Variants in SGCZ observed in about 807,000 individuals in gnomAD.
SGCZ encodes the protein zeta-sarcoglycan.
A neutral mutation model predicts 41.3 loss-of-function variants in SGCZ; 40 were observed. The ratio of observed to expected loss-of-function variants is 0.97; its 90% confidence interval spans 0.75 to 1.26. The LOEUF is 1.26. Ranked by LOEUF, SGCZ falls within the 50% of genes most tolerant of loss-of-function variation. SGCZ has a pLI of 0.00. For synonymous variants in SGCZ, 206 were observed against 137.5 expected, an observed-to-expected ratio of 1.50 and a Z score of -3.49; for missense variants, 552 against 369.8, an observed-to-expected ratio of 1.49 and a Z score of -4.04.
chr8:14,311,660 G>C lies in SGCZ; in HGVS notation c.336+12443C>G, dbSNP rs112015004. Among the ~76,000 whole-genome samples, 16 of 152,238 alleles carry C rather than the reference G, an allele frequency of 1.1e-4. 2 individuals carry two copies. The highest frequency in any genetic ancestry group is 3.1e-4 in the African/African-American group (13 of 41,564). On this transcript the variant is annotated intron_variant, in intron 3 of 7. Transcript: ENST00000382080. ...AAGAATAAAACATCAGGAATAATGA[G>C]GTCAGCTCTTACATATGCAAAGCAT...
At chr8:14,309,446 G>A (rs2116993450) in intron 3 of SGCZ, 1 of 1,606,252 alleles carries the variant, frequency 6.2e-7, no homozygotes, top group East Asian at 2.2e-5. Context: ...ACAATCTTCT[G>A]ATGACTGCAG....
chr8:14,117,862 G>A (rs575474061), intron 5 of SGCZ, among the ~76,000 whole-genome samples: 1 of 150,974 alleles, frequency 6.6e-6, no homozygotes, highest in African/African-American at 2.4e-5. Flanking sequence ...GTGTTCGTTT[G>A]CTGAGAATGA....
At chr8:14,765,436 T>C (rs1800007717) in intron 1 of SGCZ, among the ~76,000 whole-genome samples, 1 of 152,208 alleles carries the variant, frequency 6.6e-6, no homozygotes. Context: ...CTAGACAGAC[T>C]CATAACTGGA....
Position 14,611,800 on chromosome 8 carries a change from T to C in SGCZ, c.40-56874A>G, listed in dbSNP as rs183876126. Among the ~76,000 whole-genome samples the C allele has an allele frequency of 2.1e-4, 32 of 152,208 alleles. 1 individual carries two copies. In the South Asian group the frequency reaches 3.9e-3, roughly 19 times the overall value. On this transcript the variant is annotated intron_variant, in intron 1 of 7. Transcript: ENST00000382080. ...ATATTACCGAGACTGACTAATAAAATACAGTATGTAAACACAATAGATTGC... is the reference window on the plus strand; with the variant it reads ...ATATTACCGAGACTGACTAATAAAACACAGTATGTAAACACAATAGATTGC...
intron 1 of SGCZ, among the ~76,000 whole-genome samples, chr8:14,566,349 T>C (rs1228218376): frequency 6.6e-6 from 1 of 151,930 alleles, no homozygotes; most frequent in African/African-American, 2.4e-5. Flanking sequence ...AACAAGGAAG[T>C]AAAAAGTGGC....
At chr8:14,843,971 G>A (rs940614722) in intron 1 of SGCZ, among the ~76,000 whole-genome samples, 2 of 151,134 alleles carry the variant, frequency 1.3e-5, no homozygotes, top group African/African-American at 4.9e-5. Flanking sequence ...GATATCATGG[G>A]GAAGCTATGT....
intron 4 of SGCZ, among the ~76,000 whole-genome samples, chr8:14,217,130 A>G (rs568429705): frequency 6.6e-6 from 1 of 152,136 alleles, no homozygotes; most frequent in South Asian, 2.1e-4. Context: ...TACTAAAAAT[A>G]CGCACACACA....
chr8:15,126,918 G>A (rs1807712801), intron 1 of SGCZ, among the ~76,000 whole-genome samples: 2 of 152,140 alleles, frequency 1.3e-5, no homozygotes, highest in Admixed American at 6.5e-5. Context: ...GGGAAGAGAG[G>A]CCAGAGAGTA....
In SGCZ at chr8:14,732,378, T is replaced by C. The variant is rs117773247; in HGVS notation, c.40-177452A>G. ...CTTCCAACTCTTTCGTTTCCACTCA[T>C]TCTTCTCTCGGCACAGAAGCTAAGA... is the stretch of plus-strand genomic sequence containing the variant. On this transcript the variant is annotated intron_variant, in intron 1 of 7. Transcript: ENST00000382080. Among the ~76,000 whole-genome samples, 725 of 152,296 alleles carry C rather than the reference T, an allele frequency of 4.8e-3. 4 individuals carry two copies. The highest frequency in any genetic ancestry group is 7.2e-3 in the Non-Finnish European group (493 of 68,028).
intron 2 of SGCZ, among the ~76,000 whole-genome samples, chr8:14,391,780 C>G (rs1804784555): frequency 6.6e-6 from 1 of 152,104 alleles, no homozygotes; most frequent in Admixed American, 6.6e-5. Flanking sequence ...TTAATTGGCT[C>G]ACATTTCTTC....
intron 1 of SGCZ, among the ~76,000 whole-genome samples, chr8:15,021,975 TAAATAG>T (rs1472045271): frequency 5.9e-5 from 9 of 152,320 alleles, no homozygotes; most frequent in Middle Eastern, 3.4e-3. Context: ...GGAAATAACA[TAAATAG>T]AAACATAACC....
chr8:14,297,280 A>G (rs1312193863), intron 3 of SGCZ, among the ~76,000 whole-genome samples: 1 of 152,140 alleles, frequency 6.6e-6, no homozygotes, highest in Non-Finnish European at 1.5e-5. Context: ...AAAGCTAAAA[A>G]TTGAGAGAAA....
At chr8:14,383,189 T>G (rs988112643) in intron 2 of SGCZ, among the ~76,000 whole-genome samples, 4 of 152,222 alleles carry the variant, frequency 2.6e-5, no homozygotes, top group Non-Finnish European at 5.9e-5. Flanking sequence ...CTGTTCTATA[T>G]GAACCATTTC....
chr8:14,916,842 A>G lies in SGCZ; in HGVS notation c.39+320743T>C, dbSNP rs138184123. On this transcript the variant is annotated intron_variant, in intron 1 of 7. Coordinates refer to ENST00000382080, the MANE Select transcript of SGCZ (RefSeq NM_139167.4). Reference sequence around the variant, plus strand: ...ATTCAGCTGGGTACTTTGTAAAAATAGACGCATAGTTATTTTTTAAAAAAA... The same window carrying G: ...ATTCAGCTGGGTACTTTGTAAAAATGGACGCATAGTTATTTTTTAAAAAAA... 2.9e-3 allele frequency among the ~76,000 whole-genome samples: 442 copies of G among 152,286 alleles called. 2 individuals carry two copies. The highest frequency in any genetic ancestry group is 9.7e-3 in the African/African-American group (404 of 41,560).
At chr8:14,450,874 A>C (rs1479709142) in intron 2 of SGCZ, among the ~76,000 whole-genome samples, 2 of 152,152 alleles carry the variant, frequency 1.3e-5, no homozygotes, top group Non-Finnish European at 2.9e-5. Flanking sequence ...AGGATACTAC[A>C]AAAGTGGTAT....
At chr8:14,130,738 G>A (rs1244555944) in intron 5 of SGCZ, among the ~76,000 whole-genome samples, 1 of 152,164 alleles carries the variant, frequency 6.6e-6, no homozygotes, top group Non-Finnish European at 1.5e-5. Context: ...CTGGATGCTT[G>A]CATAGGTAAA....
intron 1 of SGCZ, among the ~76,000 whole-genome samples, chr8:15,107,778 G>T (rs900071133): frequency 6.6e-6 from 1 of 152,128 alleles, no homozygotes; most frequent in African/African-American, 2.4e-5. Context: ...GAAATCATTG[G>T]CCTAGCACTC....
At chr8:14,861,966 T>C (rs889932264) in intron 1 of SGCZ, among the ~76,000 whole-genome samples, 2 of 151,920 alleles carry the variant, frequency 1.3e-5, no homozygotes, top group Admixed American at 6.6e-5. Flanking sequence ...GCTTCCACTA[T>C]AAAGGCACAT....
intron 1 of SGCZ, among the ~76,000 whole-genome samples, chr8:14,575,999 A>G (rs190243396): frequency 2.0e-5 from 3 of 152,262 alleles, no homozygotes; most frequent in Admixed American, 2.0e-4. Flanking sequence ...CATAGATCAC[A>G]AAATATGTTA....
Sources: allele counts gnomAD v4.1 joint callset (sites outside exome capture counted in the v4.1 genomes callset), GRCh38; gene constraint gnomAD v4.1.1; transcripts MANE v1.5; gene names NCBI Gene and HGNC (gene_info 2026-07-23, HGNC 2026-07-21).